PAM: variants seen among roughly 807,000 people sequenced by gnomAD.
PAM encodes peptidylglycine alpha-amidating monooxygenase, also known as peptidyl-glycine alpha-amidating monooxygenase.
In PAM, 72 loss-of-function variants were observed where a neutral mutation model predicts 122.1. The observed-to-expected ratio is 0.59, with a 90% CI of 0.49 to 0.72. The LOEUF (loss-of-function observed/expected upper bound fraction) is 0.72, where lower values mean the gene tolerates loss of function less well. Among genes scored for constraint, PAM ranks in the 30% least tolerant of loss-of-function variants. PAM has a pLI of 0.00. For missense variants in PAM, 1,106 were observed against 1,183.7 expected (o/e 0.93, Z 0.96); for synonymous variants, 389 against 404.4 (o/e 0.96, Z 0.46).
intron 1 of PAM, among the ~76,000 whole-genome samples, chr5:102,794,088 ACCCC>A (rs1762749867): frequency 6.6e-6 from 1 of 152,104 alleles, no homozygotes; most frequent in Admixed American, 6.6e-5. Context: ...TTGGCCAGCT[ACCCC>A]CTTGAGACTC....
Position 102,758,073 on chromosome 5 carries a change from GTTTTTTTTTT to G in PAM, c.-374+2751_-374+2760del, listed in dbSNP as rs1168917285. On this transcript the variant is annotated intron_variant, in intron 1 of 25. Coordinates refer to ENST00000438793, the MANE Select transcript of PAM (RefSeq NM_001177306.2). ...AAAAAAAAAAAAGACTTAGAATTTT[GTTTTTTTTTT>G]TTTTTTTTTTTTTTTTTTTTTTTTT... Among the ~76,000 whole-genome samples, 49 of 24,806 alleles carry G rather than the reference GTTTTTTTTTT, an allele frequency of 2.0e-3. No homozygotes were observed. In the Admixed American group the frequency reaches 0.026, roughly 13 times the overall value. 16.3% of individuals were successfully genotyped at this position (24,806 alleles called of 152,430 possible). A position where few individuals can be genotyped will look rare whatever the true frequency, so the allele number is the denominator to read the frequency against.
intron 16 of PAM, among the ~76,000 whole-genome samples, chr5:102,992,835 G>A (rs1774541075): frequency 2.0e-5 from 3 of 151,990 alleles, no homozygotes; most frequent in Non-Finnish European, 4.4e-5. Flanking sequence ...GGTTCTATAA[G>A]ACCAGGGCAT....
intron 1 of PAM, among the ~76,000 whole-genome samples, chr5:102,821,072 T>G (rs1450810771): frequency 6.6e-6 from 1 of 152,180 alleles, no homozygotes; most frequent in Non-Finnish European, 1.5e-5. Context: ...ATTTTTCATC[T>G]TCTGTACCTT....
intron 1 of PAM, among the ~76,000 whole-genome samples, chr5:102,772,721 C>T (rs962145829): frequency 4.6e-5 from 7 of 152,046 alleles, no homozygotes; most frequent in African/African-American, 2.4e-5. Context: ...GCCAACAAAA[C>T]TATAACACAA....
At chr5:102,814,860 CTG>C (rs1174904185) in intron 1 of PAM, among the ~76,000 whole-genome samples, 2 of 151,988 alleles carry the variant, frequency 1.3e-5, no homozygotes, top group Admixed American at 1.3e-4. Context: ...ACTTGCCTGA[CTG>C]TAAAACTCAC....
At chr5:102,860,106 CT>C (rs1783751165) in intron 1 of PAM, among the ~76,000 whole-genome samples, 1 of 152,090 alleles carries the variant, frequency 6.6e-6, no homozygotes, top group African/African-American at 2.4e-5. Context: ...TGTCTTTTTT[CT>C]TCCTGACCGG....
intron 1 of PAM, among the ~76,000 whole-genome samples, chr5:102,765,094 A>G (rs944970831): frequency 8.6e-5 from 13 of 151,734 alleles, no homozygotes; most frequent in African/African-American, 2.2e-4. Flanking sequence ...GGATCACAGA[A>G]CCCCTCAGCC....
At chr5:102,907,401 T>G (rs1254893778) in intron 4 of PAM, among the ~76,000 whole-genome samples, 1 of 151,504 alleles carries the variant, frequency 6.6e-6, no homozygotes, top group Non-Finnish European at 1.5e-5. Context: ...TTCCAAGTCT[T>G]TGCTATTGTG....
At chr5:102,982,312 G>A (rs371435603) in intron 15 of PAM, among the ~76,000 whole-genome samples, 3 of 152,110 alleles carry the variant, frequency 2.0e-5, no homozygotes, top group African/African-American at 4.8e-5. Flanking sequence ...TTGGGGATCC[G>A]AGGATAGGTT....
At chr5:102,901,970 C>T (rs1798072195) in intron 4 of PAM, among the ~76,000 whole-genome samples, 1 of 151,488 alleles carries the variant, frequency 6.6e-6, no homozygotes, top group African/African-American at 2.4e-5. Context: ...CAGATTCTTC[C>T]CCAACTGAGC....
intron 13 of PAM, among the ~76,000 whole-genome samples, chr5:102,960,826 A>C (rs1004200424): frequency 5.9e-5 from 9 of 151,762 alleles, no homozygotes; most frequent in Non-Finnish European, 1.2e-4. Flanking sequence ...AGTGTTCTTA[A>C]ATGTTCTTAA....
At chr5:102,980,709 A>G (rs1047420582) in intron 15 of PAM, among the ~76,000 whole-genome samples, 1 of 152,212 alleles carries the variant, frequency 6.6e-6, no homozygotes, top group African/African-American at 2.4e-5. Flanking sequence ...AAGCAAAAGT[A>G]TTAATTAACT....
chr5:102,803,142 AAAGAAAGG>A (rs1561486374), intron 1 of PAM, among the ~76,000 whole-genome samples: 8 of 142,128 alleles, frequency 5.6e-5, no homozygotes, highest in South Asian at 4.5e-4. Context: ...AGAAAGAAAG[AAAGAAAGG>A]AAGGAAGGAA....
At chr5:102,837,039 G>A (rs1255101353) in intron 1 of PAM, among the ~76,000 whole-genome samples, 1 of 152,054 alleles carries the variant, frequency 6.6e-6, no homozygotes, top group African/African-American at 2.4e-5. Context: ...TAGTAGCTTG[G>A]CTGCATTTAC....
chr5:102,862,317 T>C (rs1784420467), intron 1 of PAM, among the ~76,000 whole-genome samples: 1 of 152,140 alleles, frequency 6.6e-6, no homozygotes, highest in Non-Finnish European at 1.5e-5. Context: ...TTTAAATTGC[T>C]TTCAGTTCTT....
At chr5:103,009,241 T>C (rs1779930488) in intron 20 of PAM, among the ~76,000 whole-genome samples, 1 of 152,216 alleles carries the variant, frequency 6.6e-6, no homozygotes, top group Non-Finnish European at 1.5e-5. Context: ...TAATCTGAAA[T>C]ATACATCTCA....
intron 1 of PAM, among the ~76,000 whole-genome samples, chr5:102,844,712 G>A (rs1779539721): frequency 1.3e-5 from 2 of 151,856 alleles, no homozygotes; most frequent in African/African-American, 4.8e-5. Flanking sequence ...AAAAAGAATG[G>A]GCTCTTAAAC....
chr5:103,004,301 C>T (rs1187239799), intron 17 of PAM, among the ~76,000 whole-genome samples: 1 of 152,166 alleles, frequency 6.6e-6, no homozygotes, highest in Admixed American at 6.5e-5. Flanking sequence ...AAAACTACTG[C>T]TAAATCAACT....
chr5:102,758,487 C>T (rs1751322001), intron 1 of PAM, among the ~76,000 whole-genome samples: 4 of 152,194 alleles, frequency 2.6e-5, no homozygotes, highest in Admixed American at 2.6e-4. Flanking sequence ...TGTATAAGAA[C>T]TTTCTTTACC....
Sources: gnomAD v4.1 joint callset for allele counts (sites outside exome capture counted in the v4.1 genomes callset) on GRCh38, gnomAD v4.1.1 for gene constraint, MANE v1.5 for transcripts, NCBI Gene and HGNC (gene_info 2026-07-23, HGNC 2026-07-21) for gene names.